LEPR: variants seen among roughly 807,000 people sequenced by gnomAD.
LEPR encodes the protein OB receptor.
A neutral mutation model predicts 114.7 loss-of-function variants in LEPR; 56 were observed. That is an observed-to-expected ratio of 0.49 (90% CI 0.39 to 0.61). The LOEUF (loss-of-function observed/expected upper bound fraction) is 0.61, where lower values mean the gene tolerates loss of function less well. LEPR is among the 20% of genes least tolerant of loss of function. The pLI is 0.00. For missense variants in LEPR, 1,202 were observed against 1,352.9 expected, an observed-to-expected ratio of 0.89 and a Z score of 1.75; for synonymous variants, 443 against 461.4, an observed-to-expected ratio of 0.96 and a Z score of 0.51.
rs1177292405 is a variant in LEPR, at chr1:65,639,999, A to G, written c.*2984A>G. The G allele has an allele frequency of 1.3e-5, 2 of 152,082 alleles. No individual in the cohort carries two copies. Among genetic ancestry groups the G allele is most frequent in the Non-Finnish European group, 2.9e-5 (2 of 67,986 alleles). 9.4% of individuals were successfully genotyped at this position (152,082 alleles called of 1,614,324 possible). ...AACCTAGTCACCAAATGGTAAAAGG[A>G]CTTGGATGAAATTCCAATACCAGTG... On this transcript the variant is annotated 3_prime_UTR_variant, in exon 20 of 20. Transcript: ENST00000349533.
At chr1:65,496,954 A>G (rs1284935483) in intron 2 of LEPR, among the ~76,000 whole-genome samples, 1 of 151,566 alleles carries the variant, frequency 6.6e-6, no homozygotes, top group East Asian at 1.9e-4. Flanking sequence ...GTGCACATCC[A>G]AATTTGAAAA....
chr1:65,471,346 C>G (rs1004617421), intron 2 of LEPR, among the ~76,000 whole-genome samples: 1 of 152,164 alleles, frequency 6.6e-6, no homozygotes, highest in African/African-American at 2.4e-5. Context: ...ATGGAAAAAA[C>G]AAAAGGCAAA....
chr1:65,603,353 A>T (rs1656581416), intron 10 of LEPR, among the ~76,000 whole-genome samples: 1 of 150,014 alleles, frequency 6.7e-6, no homozygotes, highest in Non-Finnish European at 1.5e-5. Context: ...CCATTTATTC[A>T]CACACACACA....
In LEPR at chr1:65,497,970, C is replaced by T. The variant is rs142933949; in HGVS notation, c.-20-67576C>T. Among the ~76,000 whole-genome samples the T allele has an allele frequency of 4.6e-5, 7 of 152,230 alleles. No individual in the cohort carries two copies. The East Asian group carries it at 1.2e-3, about 25-fold the overall frequency. On this transcript the variant is annotated intron_variant, in intron 2 of 19. Transcript: ENST00000349533. ...GAATGGGGCAATGTGATTGCAAGAC[C>T]TTGCTTGACATCTTTTGAAAACATC...
intron 2 of LEPR, among the ~76,000 whole-genome samples, chr1:65,543,794 T>C (rs1651423117): frequency 6.6e-6 from 1 of 152,030 alleles, no homozygotes; most frequent in Admixed American, 6.5e-5. Flanking sequence ...TGTGGCATTA[T>C]TTCTGAGGCC....
At chr1:65,566,351 C>T (rs1349391353) in intron 3 of LEPR, among the ~76,000 whole-genome samples, 9 of 152,066 alleles carry the variant, frequency 5.9e-5, no homozygotes, top group East Asian at 1.9e-4. Flanking sequence ...TACAGGCACG[C>T]GCCACCATGC....
intron 19 of LEPR, among the ~76,000 whole-genome samples, chr1:65,625,885 T>C (rs548294387): frequency 3.8e-4 from 58 of 152,334 alleles, no homozygotes; most frequent in African/African-American, 1.3e-3. Context: ...CTTATCTAAG[T>C]AAAATTGCCA....
intron 2 of LEPR, chr1:65,428,079 G>A (rs900835786): frequency 6.5e-6 from 1 of 153,600 alleles, no homozygotes; most frequent in Non-Finnish European, 1.5e-5. Context: ...CTTTGGCAGA[G>A]TTGAGTAGTT....
chr1:65,517,508 A>G (rs1244677391), intron 2 of LEPR, among the ~76,000 whole-genome samples: 5 of 152,330 alleles, frequency 3.3e-5, no homozygotes. Context: ...AAGTAAAGCA[A>G]TCACCACCTT....
intron 2 of LEPR, among the ~76,000 whole-genome samples, chr1:65,518,919 CTCTT>C (rs1420749470): frequency 2.6e-5 from 2 of 76,070 alleles, no homozygotes; most frequent in Admixed American, 1.5e-4. Flanking sequence ...CTTTCTTTCT[CTCTT>C]TCTCTGTTTC....
At position 65,609,985 on chromosome 1, in the gene LEPR, T is replaced by C. The variant is rs1251229163; in HGVS notation, c.1791T>C (p.Ser597=). ...ATGATGCAAAATCAAAATCTGTCAG[T>C]CTCCCAGTTCCAGACTTGTGTGCAG... The part of the protein sequence containing the change: ...EVYDAKSKSV[S]LPVPDLCAVY... The change falls in exon 13 of 20, where the codon AGT becomes AGC. Residue 597 remains serine, a synonymous_variant. Transcript: ENST00000349533. The C allele has an allele frequency of 6.2e-7, 1 of 1,614,076 alleles. No individual in the cohort carries two copies. Among genetic ancestry groups the C allele is most frequent in the East Asian group, 2.2e-5 (1 of 44,886 alleles).
chr1:65,466,490 A>C (rs1161059573), intron 2 of LEPR, among the ~76,000 whole-genome samples: 4 of 152,064 alleles, frequency 2.6e-5, no homozygotes, highest in African/African-American at 9.7e-5. Flanking sequence ...GGTGAATCTG[A>C]CAATTAATGT....
At chr1:65,546,540 A>T (rs2100690564) in intron 2 of LEPR, among the ~76,000 whole-genome samples, 1 of 152,196 alleles carries the variant, frequency 6.6e-6, no homozygotes, top group South Asian at 2.1e-4. Flanking sequence ...TGTAAGCTGG[A>T]TTCCTAAGTA....
chr1:65,455,387 C>T (rs923710569), intron 2 of LEPR, among the ~76,000 whole-genome samples: 6 of 152,208 alleles, frequency 3.9e-5, no homozygotes, highest in Admixed American at 2.0e-4. Context: ...AGTTTTTCTG[C>T]TCTGTTTTTC....
intron 2 of LEPR, among the ~76,000 whole-genome samples, chr1:65,521,180 A>T (rs972296375): frequency 2.0e-5 from 3 of 152,260 alleles, no homozygotes; most frequent in Non-Finnish European, 4.4e-5. Context: ...CTCCAAGAAC[A>T]GTTTTTATAT....
chr1:65,431,316 G>A (rs1222075296), intron 2 of LEPR, among the ~76,000 whole-genome samples: 1 of 152,108 alleles, frequency 6.6e-6, no homozygotes, highest in Non-Finnish European at 1.5e-5. Context: ...ACCCCCAAAT[G>A]TGCTTCTGTA....
chr1:65,430,046 G>A (rs1158713575), intron 2 of LEPR: 23 of 1,556,690 alleles, frequency 1.5e-5, no homozygotes, highest in Non-Finnish European at 1.9e-5. Context: ...TCGTGTGGCT[G>A]TGGTAAGTTT....
intron 5 of LEPR, among the ~76,000 whole-genome samples, 154 bp downstream of exon 5, chr1:65,572,603 CT>C (rs1654279505): frequency 6.6e-6 from 1 of 152,032 alleles, no homozygotes; most frequent in South Asian, 2.1e-4. Context: ...TAGGTTTCCT[CT>C]TTTCTCCTCC....
rs186171033 is a variant in LEPR, at chr1:65,525,347, G to A, written c.-20-40199G>A. 1.7e-3 allele frequency among the ~76,000 whole-genome samples: 259 copies of A among 152,258 alleles called. No individual in the cohort carries two copies. In the Middle Eastern group the frequency reaches 0.017, roughly 10 times the overall value. On this transcript the variant is annotated intron_variant, in intron 2 of 19. Coordinates refer to ENST00000349533, the MANE Select transcript of LEPR (RefSeq NM_002303.6). ...TCACCGACGCGGGTCCGGGGTGGGGGGGTACTGCCAGGGAACTCGCGGCAC... is the reference window on the plus strand; with the variant it reads ...TCACCGACGCGGGTCCGGGGTGGGGAGGTACTGCCAGGGAACTCGCGGCAC...
Sources: allele counts gnomAD v4.1 joint callset (sites outside exome capture counted in the v4.1 genomes callset), GRCh38; gene constraint gnomAD v4.1.1; transcripts MANE v1.5; gene names NCBI Gene and HGNC (gene_info 2026-07-23, HGNC 2026-07-21).